The following PTPRC variants were observed in gnomAD, a reference collection of about 807,000 sequenced individuals.
PTPRC encodes protein tyrosine phosphatase receptor type C.
A neutral mutation model predicts 155.9 loss-of-function variants in PTPRC; 44 were observed. That is an observed-to-expected ratio of 0.28 (90% CI 0.22 to 0.36). The LOEUF is 0.36. Ranked by LOEUF, PTPRC falls within the 10% of genes least tolerant of loss-of-function variation. PTPRC has a pLI of 1.00. For synonymous variants in PTPRC, 525 were observed against 533.1 expected, an observed-to-expected ratio of 0.98 and a Z score of 0.21; for missense variants, 1,401 against 1,564.6, an observed-to-expected ratio of 0.90 and a Z score of 1.76.
At chr1:198,658,138 C>A (rs1663705297) in intron 2 of PTPRC, among the ~76,000 whole-genome samples, 1 of 152,108 alleles carries the variant, frequency 6.6e-6, no homozygotes, top group African/African-American at 2.4e-5. Context: ...GCTTTAAGCA[C>A]CTTTCAGAGA....
chr1:198,654,884 A>G (rs528892364), intron 2 of PTPRC, among the ~76,000 whole-genome samples: 19 of 152,080 alleles, frequency 1.2e-4, no homozygotes, highest in Admixed American at 7.9e-4. Flanking sequence ...CTACAGATTC[A>G]TGAATACTAA....
chr1:198,694,209 G>C, intron 3 of PTPRC: 1 of 1,422,660 alleles, frequency 7.0e-7, no homozygotes, highest in Non-Finnish European at 9.3e-7. Flanking sequence ...CAGCCAGCAC[G>C]AGAGAAAGAT....
At chr1:198,664,172 G>A (rs1664144369) in intron 2 of PTPRC, among the ~76,000 whole-genome samples, 1 of 152,250 alleles carries the variant, frequency 6.6e-6, no homozygotes, top group African/African-American at 2.4e-5. Flanking sequence ...GACAGTGTGG[G>A]TTTTTATTCT....
In PTPRC at chr1:198,756,287, C is replaced by G. The variant is rs1167048148; in HGVS notation, c.*106C>G. On this transcript the variant is annotated 3_prime_UTR_variant, in exon 33 of 33. Coordinates refer to ENST00000442510, the MANE Select transcript of PTPRC (RefSeq NM_002838.5). ...TATACAGTGGATTAATTAAATGCAG[C>G]GAACCAATATTTGTAGAAGGGTTAT... 2 of 1,380,962 alleles carry G rather than the reference C, an allele frequency of 1.4e-6. No individual in the cohort carries two copies. Among genetic ancestry groups the G allele is most frequent in the South Asian group, 2.5e-5 (2 of 79,328 alleles). 85.5% of individuals were successfully genotyped at this position (1,380,962 alleles called of 1,614,324 possible). A position where few individuals can be genotyped will look rare whatever the true frequency, so the allele number is the denominator to read the frequency against.
chr1:198,729,118 A>C lies in PTPRC; in HGVS notation c.1830-19A>C. 1 of 1,609,208 alleles carries C rather than the reference A, an allele frequency of 6.2e-7. No individual in the cohort carries two copies. Among genetic ancestry groups the C allele is most frequent in the Non-Finnish European group, 8.5e-7 (1 of 1,177,548 alleles). ...GTGCTTCTTGAGAATATAGAAACTT[A>C]TTTTTCCTATTTTCACAGCAATTTA... is the stretch of plus-strand genomic sequence containing the variant. On this transcript the variant is annotated intron_variant, in intron 16 of 32. Coordinates refer to ENST00000442510, the MANE Select transcript of PTPRC (RefSeq NM_002838.5).
chr1:198,746,853 G>A (rs375801079), intron 26 of PTPRC, among the ~76,000 whole-genome samples: 29 of 151,928 alleles, frequency 1.9e-4, no homozygotes, highest in Admixed American at 8.6e-4. Context: ...GGTCCTTCAT[G>A]CAGCTCATGG....
chr1:198,725,361 T>C (rs1411632563), intron 15 of PTPRC, among the ~76,000 whole-genome samples: 1 of 152,216 alleles, frequency 6.6e-6, no homozygotes, highest in Non-Finnish European at 1.5e-5. Flanking sequence ...CTGTGGTCCT[T>C]AGAAGATCTT....
At chr1:198,702,631 T>C (rs750216629) in intron 6 of PTPRC, 101 bp downstream of exon 6, 51 of 1,502,710 alleles carry the variant, frequency 3.4e-5, no homozygotes, top group Non-Finnish European at 4.4e-5. Context: ...ATATTATTTG[T>C]AGGTTTCCCA....
intron 17 of PTPRC, among the ~76,000 whole-genome samples, chr1:198,731,060 T>G (rs1395816180): frequency 6.6e-6 from 1 of 152,116 alleles, no homozygotes; most frequent in Admixed American, 6.6e-5. Context: ...TAATCTTCAG[T>G]AAGTTATTTC....
At chr1:198,687,181 C>T (rs1389763431) in intron 2 of PTPRC, among the ~76,000 whole-genome samples, 3 of 152,072 alleles carry the variant, frequency 2.0e-5, no homozygotes, top group Non-Finnish European at 4.4e-5. Context: ...TAAGTAGAGA[C>T]GAGGTTTTGC....
At chr1:198,715,947 T>A (rs960715355) in intron 12 of PTPRC, among the ~76,000 whole-genome samples, 1 of 152,222 alleles carries the variant, frequency 6.6e-6, no homozygotes, top group African/African-American at 2.4e-5. Flanking sequence ...TAACAAGTGC[T>A]AAGTCTTCTG....
At chr1:198,695,987 C>G (rs12131320) in intron 3 of PTPRC, among the ~76,000 whole-genome samples, 1 of 151,874 alleles carries the variant, frequency 6.6e-6, no homozygotes, top group Non-Finnish European at 1.5e-5. Flanking sequence ...TGGTGAAACC[C>G]CATCTCTACT....
chr1:198,705,863 C>A (rs1652931743), intron 8 of PTPRC, among the ~76,000 whole-genome samples: 1 of 152,184 alleles, frequency 6.6e-6, no homozygotes, highest in Non-Finnish European at 1.5e-5. Context: ...TTTTAAAACA[C>A]AAACTAAGTC....
chr1:198,656,960 C>T (rs927010254), intron 2 of PTPRC, among the ~76,000 whole-genome samples: 5 of 149,848 alleles, frequency 3.3e-5, no homozygotes, highest in Middle Eastern at 3.2e-3. Flanking sequence ...TTGTTTAAAA[C>T]GAAATATCTA....
chr1:198,646,873 T>C (rs576019401), intron 2 of PTPRC, among the ~76,000 whole-genome samples: 1 of 151,992 alleles, frequency 6.6e-6, no homozygotes, highest in South Asian at 2.1e-4. Context: ...TGTAAAATAG[T>C]GTGTGGGGAA....
At chr1:198,657,301 T>A (rs1316421283) in intron 2 of PTPRC, among the ~76,000 whole-genome samples, 1 of 151,934 alleles carries the variant, frequency 6.6e-6, no homozygotes, top group Non-Finnish European at 1.5e-5. Context: ...AATATTATCA[T>A]CAGATTACTC....
At chr1:198,659,388 C>T (rs758041063) in intron 2 of PTPRC, among the ~76,000 whole-genome samples, 14 of 152,070 alleles carry the variant, frequency 9.2e-5, no homozygotes, top group Non-Finnish European at 1.6e-4. Context: ...ATACATGTGG[C>T]CCCTCCCCAG....
chr1:198,749,057 G>GA (rs914541789), intron 27 of PTPRC, among the ~76,000 whole-genome samples: 4 of 151,470 alleles, frequency 2.6e-5, no homozygotes, highest in South Asian at 2.1e-4. Context: ...ATAATTGAGG[G>GA]AAAAAATCTA....
intron 2 of PTPRC, among the ~76,000 whole-genome samples, chr1:198,662,950 A>G (rs562660445): frequency 6.6e-6 from 1 of 152,252 alleles, no homozygotes; most frequent in Admixed American, 6.5e-5. Context: ...CCATGTGACC[A>G]TTGTACACAT....
Sources: allele counts gnomAD v4.1 joint callset (sites outside exome capture counted in the v4.1 genomes callset), GRCh38; gene constraint gnomAD v4.1.1; transcripts MANE v1.5; gene names NCBI Gene and HGNC (gene_info 2026-07-23, HGNC 2026-07-21).